Variants in KRIT1 observed in about 807,000 individuals in gnomAD.
The protein encoded by KRIT1 is krev interaction trapped protein 1.
Under a neutral mutation model 95.8 loss-of-function variants are expected in KRIT1, and 45 were observed. That is an observed-to-expected ratio of 0.47 (90% CI 0.37 to 0.60). KRIT1 has a LOEUF of 0.60. KRIT1 is among the 20% of genes least tolerant of loss of function. KRIT1 has a pLI of 0.00. For synonymous variants in KRIT1, 282 were observed against 278.8 expected (o/e 1.01, Z -0.11); for missense variants, 788 against 877.5 (o/e 0.90, Z 1.29).
Position 92,200,395 on chromosome 7 carries a change from C to A in KRIT1, c.*341G>T. On this transcript the variant is annotated 3_prime_UTR_variant, in exon 19 of 19. Transcript: ENST00000394505. The stretch of plus-strand genomic sequence containing the variant: ...TTTGAGATGGAGTCTTGCTGTGTCA[C>A]CCAGGCTAGCGTGCCGTGGTGCAAT... 3.8e-6 allele frequency: 1 copy of A among 266,424 alleles called. No individual in the cohort carries two copies. Among genetic ancestry groups the A allele is most frequent in the African/African-American group, 2.3e-5 (1 of 44,092 alleles). 16.5% of individuals were successfully genotyped at this position (266,424 alleles called of 1,614,324 possible).
chr7:92,214,823 T>C, intron 14 of KRIT1, 46 bp from the exon 15 acceptor site: 1 of 1,318,732 alleles, frequency 7.6e-7, no homozygotes, highest in South Asian at 1.2e-5. Flanking sequence ...CAATTTCTTT[T>C]TACAAATGAA....
chr7:92,222,085 A>G, intron 13 of KRIT1, 32 bp from the exon 14 acceptor site: 1 of 1,566,548 alleles, frequency 6.4e-7, no homozygotes, highest in Non-Finnish European at 8.8e-7. Flanking sequence ...ATAAATGATA[A>G]TGTAAAAAGT....
At chr7:92,229,164 A>ATAC (rs1157152910) in intron 10 of KRIT1, among the ~76,000 whole-genome samples, 7 of 152,196 alleles carry the variant, frequency 4.6e-5, no homozygotes, top group Admixed American at 2.0e-4. Flanking sequence ...AGGAATTGCC[A>ATAC]TACTGCTTTT....
chr7:92,213,447 A>C (rs768747143), intron 16 of KRIT1, 46 bp from the exon 17 acceptor site: 15 of 1,262,982 alleles, frequency 1.2e-5, no homozygotes, highest in Non-Finnish European at 1.7e-5. Context: ...ATATGAAAGG[A>C]AAATGTACCA....
chr7:92,232,353 G>T (rs1797473642), intron 10 of KRIT1, among the ~76,000 whole-genome samples: 1 of 151,990 alleles, frequency 6.6e-6, no homozygotes, highest in Admixed American at 6.6e-5. Context: ...TATAGATAAA[G>T]AAACAGACCC....
intron 8 of KRIT1, 77 bp from the exon 9 acceptor site, chr7:92,235,000 TTTAC>T (rs1798100993): frequency 1.3e-6 from 1 of 756,032 alleles, no homozygotes; most frequent in African/African-American, 1.7e-5. Flanking sequence ...ATTTTAAATT[TTTAC>T]TTATTTATTT....
chr7:92,215,069 A>G (rs1400839493), intron 14 of KRIT1, among the ~76,000 whole-genome samples: 1 of 152,224 alleles, frequency 6.6e-6, no homozygotes, highest in Non-Finnish European at 1.5e-5. Flanking sequence ...TTTATGTAGG[A>G]ATACTGAAAT....
chr7:92,231,284 T>C (rs1367623467), intron 10 of KRIT1, among the ~76,000 whole-genome samples: 4 of 152,212 alleles, frequency 2.6e-5, no homozygotes, highest in Admixed American at 2.6e-4. Context: ...GCTACCAATC[T>C]TGAATTTTAA....
At chr7:92,213,691 T>C (rs1317665380) in intron 16 of KRIT1, among the ~76,000 whole-genome samples, 1 of 152,172 alleles carries the variant, frequency 6.6e-6, no homozygotes, top group Non-Finnish European at 1.5e-5. Flanking sequence ...ATTTGGCATG[T>C]TGAAGGTATT....
chr7:92,238,023 C>G (rs941271415), intron 5 of KRIT1, among the ~76,000 whole-genome samples: 2 of 152,226 alleles, frequency 1.3e-5, no homozygotes, highest in Admixed American at 1.3e-4. Context: ...CTGCTAAGAG[C>G]TGAGAAGGCA....
chr7:92,204,529 T>C (rs920492618), intron 17 of KRIT1, among the ~76,000 whole-genome samples: 1 of 151,950 alleles, frequency 6.6e-6, no homozygotes, highest in Non-Finnish European at 1.5e-5. Context: ...CTGGGAGCCC[T>C]GAGCTTGTTT....
chr7:92,242,846 C>G (rs541527467), intron 3 of KRIT1, among the ~76,000 whole-genome samples: 26 of 152,156 alleles, frequency 1.7e-4, no homozygotes, highest in African/African-American at 4.6e-4. Context: ...GACAGAGTCT[C>G]GCTCTGTCAC....
Position 92,213,349 on chromosome 7 carries a change from A to T in KRIT1, c.1871T>A (p.Met624Lys). The change falls in exon 17 of 19, where the codon ATG becomes AAG. Residue 624 changes from methionine to lysine, a missense_variant. Met to Lys is a moderately conservative substitution (Grantham distance 95, BLOSUM62 -1). Coordinates refer to ENST00000394505, the MANE Select transcript of KRIT1 (RefSeq NM_194454.3). ...VSKEMHHLQR[M>K]FLQNCWEIPT... ...AATTTCCCAGCAATTCTGTAAGAACATGCGCTGAAGGTGATGCATTTCTTT... is the reference window on the plus strand; with the variant it reads ...AATTTCCCAGCAATTCTGTAAGAACTTGCGCTGAAGGTGATGCATTTCTTT... 6.2e-7 allele frequency: 1 copy of T among 1,613,740 alleles called. No homozygotes were observed. The highest frequency in any genetic ancestry group is 8.5e-7 in the Non-Finnish European group (1 of 1,179,710).
chr7:92,217,798 T>G (rs1794297545), intron 14 of KRIT1, among the ~76,000 whole-genome samples: 1 of 152,220 alleles, frequency 6.6e-6, no homozygotes, highest in Non-Finnish European at 1.5e-5. Flanking sequence ...TGCTGGATCA[T>G]ACAGTAATTC....
intron 5 of KRIT1, 89 bp from the exon 6 acceptor site, chr7:92,237,848 A>G (rs1481614242): frequency 1.1e-5 from 8 of 738,086 alleles, no homozygotes; most frequent in Non-Finnish European, 1.9e-5. Flanking sequence ...AGATACTTTA[A>G]AAGGCAGCAT....
At chr7:92,221,616 C>G (rs1342294811) in intron 14 of KRIT1, among the ~76,000 whole-genome samples, 1 of 152,170 alleles carries the variant, frequency 6.6e-6, no homozygotes, top group Non-Finnish European at 1.5e-5. Flanking sequence ...TACTTCCTAA[C>G]TAGTCTAAAC....
chr7:92,238,863 G>A (rs1305265048), intron 5 of KRIT1, among the ~76,000 whole-genome samples: 1 of 152,158 alleles, frequency 6.6e-6, no homozygotes. Context: ...TTATAGATGT[G>A]AAAATCACTA....
intron 18 of KRIT1, among the ~76,000 whole-genome samples, chr7:92,201,093 AAAAG>A: frequency 6.6e-6 from 1 of 152,224 alleles, no homozygotes; most frequent in South Asian, 2.1e-4. Context: ...AAGACATGGC[AAAAG>A]AGTTTGTTAT....
chr7:92,219,796 T>A (rs541811486), intron 14 of KRIT1, among the ~76,000 whole-genome samples: 9 of 152,346 alleles, frequency 5.9e-5, no homozygotes, highest in Admixed American at 1.3e-4. Context: ...AGTTATCAGG[T>A]CTTATTTTTC....
Sources: allele counts gnomAD v4.1 joint callset (sites outside exome capture counted in the v4.1 genomes callset), GRCh38; gene constraint gnomAD v4.1.1; transcripts MANE v1.5; gene names NCBI Gene and HGNC (gene_info 2026-07-23, HGNC 2026-07-21).